The following PHKB variants were observed in gnomAD, a reference collection of about 807,000 sequenced individuals.
PHKB encodes the protein phosphorylase kinase regulatory subunit beta.
A neutral mutation model predicts 152.1 loss-of-function variants in PHKB; 122 were observed. That is an observed-to-expected ratio of 0.80 (90% confidence interval 0.69 to 0.93). The LOEUF is 0.93. PHKB is among the 40% of genes least tolerant of loss of function. PHKB has a pLI of 0.00. For synonymous variants in PHKB, 436 were observed against 464.9 expected (o/e 0.94, Z 0.80); for missense variants, 1,304 against 1,328.4 (o/e 0.98, Z 0.29).
Position 47,698,601 on chromosome 16 carries a change from CTTTTTT to C in PHKB, c.3144+29_3144+34del, listed in dbSNP as rs5816579. On this transcript the variant is annotated intron_variant, in intron 30 of 30. Transcript: ENST00000323584. ...AATTGAAAAACAAGTAAGTACACAG[CTTTTTT>C]TTTTTTTTTTTTTTTGAGAATTTTT... The C allele has an allele frequency of 8.2e-6, 6 of 731,166 alleles. No homozygotes were observed. The highest frequency in any genetic ancestry group is 5.2e-4 in the Middle Eastern group (1 of 1,908). The allele number at this position is 731,166 out of a possible 1,614,324, so 45.3% of individuals were successfully genotyped here.
intron 1 of PHKB, among the ~76,000 whole-genome samples, chr16:47,495,518 TC>T (rs986622891): frequency 1.3e-5 from 2 of 152,202 alleles, no homozygotes; most frequent in Non-Finnish European, 2.9e-5. Context: ...CCGCAATTCT[TC>T]CACCTCAGCA....
intron 20 of PHKB, among the ~76,000 whole-genome samples, chr16:47,659,685 T>G (rs1973403245): frequency 2.0e-5 from 3 of 152,150 alleles, no homozygotes; most frequent in Non-Finnish European, 4.4e-5. Flanking sequence ...CAGAGAAGCA[T>G]TAGCCTGGAT....
At chr16:47,625,167 T>TAATCTCC (rs1972687102) in intron 14 of PHKB, among the ~76,000 whole-genome samples, 1 of 152,212 alleles carries the variant, frequency 6.6e-6, no homozygotes, top group Non-Finnish European at 1.5e-5. Flanking sequence ...AGGCTCCAAC[T>TAATCTCC]AATCTCCATA....
chr16:47,486,751 C>T (rs112700097), intron 1 of PHKB, among the ~76,000 whole-genome samples: 19 of 152,128 alleles, frequency 1.2e-4, no homozygotes, highest in Admixed American at 1.2e-3. Context: ...TCGGATTATG[C>T]TTACTTCTTG....
At chr16:47,594,243 C>T (rs1193822559) in intron 12 of PHKB, 29 bp downstream of exon 12, 1 of 1,099,916 alleles carries the variant, frequency 9.1e-7, no homozygotes, top group East Asian at 2.4e-5. Flanking sequence ...GAAATTCTTC[C>T]TACCAACATT....
At chr16:47,525,103 A>T (rs774862678) in intron 6 of PHKB, among the ~76,000 whole-genome samples, 6 of 152,198 alleles carry the variant, frequency 3.9e-5, no homozygotes, top group Non-Finnish European at 7.4e-5. Context: ...TACATAAATT[A>T]TCCATTTTTT....
intron 26 of PHKB, among the ~76,000 whole-genome samples, chr16:47,682,082 G>A (rs1286373715): frequency 6.6e-6 from 1 of 152,182 alleles, no homozygotes; most frequent in East Asian, 1.9e-4. Flanking sequence ...TAAGAATGTT[G>A]AATATTGGCC....
chr16:47,602,042 A>C (rs971581952), intron 13 of PHKB, among the ~76,000 whole-genome samples: 1 of 152,130 alleles, frequency 6.6e-6, no homozygotes, highest in Non-Finnish European at 1.5e-5. Context: ...GTTAATGAAA[A>C]TTTGCTTGAA....
chr16:47,670,370 T>C (rs540722854), intron 26 of PHKB, among the ~76,000 whole-genome samples: 10 of 152,342 alleles, frequency 6.6e-5, no homozygotes, highest in African/African-American at 2.4e-4. Flanking sequence ...AAAACTGGAA[T>C]TTTAACATCT....
In PHKB at chr16:47,693,356, A is replaced by C. The variant is rs773670552; in HGVS notation, c.2766-22A>C. The C allele has an allele frequency of 5.6e-6, 9 of 1,613,454 alleles. No individual in the cohort carries two copies. The South Asian group carries it at 9.9e-5, about 18-fold the overall frequency. ...AGAACAAGCTTGTTCTTCAACTCTG[A>C]GACATTTGCCTTTTGTTACAGATGT... On this transcript the variant is annotated intron_variant, in intron 27 of 30. Coordinates refer to ENST00000323584, the MANE Select transcript of PHKB (RefSeq NM_000293.3).
chr16:47,546,086 A>C (rs566735671), intron 6 of PHKB, among the ~76,000 whole-genome samples: 5 of 152,178 alleles, frequency 3.3e-5, no homozygotes, highest in Admixed American at 6.5e-5. Context: ...TCTGAAGCCT[A>C]CTTCTTTGAA....
chr16:47,650,505 A>T, intron 18 of PHKB, 39 bp from the exon 19 acceptor site: 1 of 1,146,014 alleles, frequency 8.7e-7, no homozygotes, highest in Non-Finnish European at 1.3e-6. Context: ...TTCATCTTAG[A>T]TACTGTGCCA....
intron 13 of PHKB, chr16:47,599,053 A>G (rs937366517): frequency 9.5e-6 from 6 of 628,596 alleles, no homozygotes; most frequent in African/African-American, 9.2e-5. Context: ...CTTAGAATCA[A>G]CCCAAGTTGG....
chr16:47,590,309 C>A (rs1182042236), intron 10 of PHKB: 2 of 146,058 alleles, frequency 1.4e-5, no homozygotes, highest in Admixed American at 6.9e-5. Flanking sequence ...TAATAGAGAC[C>A]AGATCTCCCT....
rs117710146 is a variant in PHKB, at chr16:47,555,121, T to G, written c.710+7573T>G. 5.5e-3 allele frequency among the ~76,000 whole-genome samples: 842 copies of G among 152,346 alleles called. 6 individuals are homozygous for G. Among genetic ancestry groups the G allele is most frequent in the Middle Eastern group, 0.01 (3 of 294 alleles). On this transcript the variant is annotated intron_variant, in intron 7 of 30. Transcript: ENST00000323584. ...AAGAGGCTTTCAGTGACCCTTTTAT[T>G]CCATATGGTGCTTATTACTTAAGGT... is the stretch of plus-strand genomic sequence containing the variant.
At chr16:47,592,754 AG>A (rs1972049808) in intron 10 of PHKB, among the ~76,000 whole-genome samples, 1 of 152,172 alleles carries the variant, frequency 6.6e-6, no homozygotes, top group Admixed American at 6.5e-5. Flanking sequence ...AGTTGGTTCC[AG>A]GCATTAGTAA....
chr16:47,689,133 A>G lies in PHKB; in HGVS notation c.2723A>G (p.Lys908Arg), dbSNP rs1974016574. The G allele has an allele frequency of 6.2e-7, 1 of 1,613,964 alleles. No individual in the cohort carries two copies. The highest frequency in any genetic ancestry group is 1.3e-5 in the African/African-American group (1 of 74,910). ...DLYQLSPSEV[K>R]QLLLDILQPQ... is the part of the protein sequence containing the mutation. ...TATCAGCTGTCACCTAGTGAAGTTA[A>G]ACAGCTTCTGCTGGATATTCTGCAG... is the stretch of plus-strand genomic sequence containing the variant. The change falls in exon 27 of 31, where the codon AAA becomes AGA. Residue 908 changes from lysine (K) to arginine (R), a missense_variant. Transcript: ENST00000323584.
intron 7 of PHKB, among the ~76,000 whole-genome samples, chr16:47,575,872 T>C (rs948797774): frequency 1.4e-4 from 21 of 151,476 alleles, no homozygotes; most frequent in Non-Finnish European, 2.2e-4. Flanking sequence ...AGGTTGGGAG[T>C]TCAAGACCAG....
intron 6 of PHKB, among the ~76,000 whole-genome samples, chr16:47,535,623 G>A (rs950240406): frequency 1.3e-5 from 2 of 152,098 alleles, no homozygotes; most frequent in African/African-American, 4.8e-5. Flanking sequence ...TACAATATAA[G>A]TCCCGCTCTA....
Sources: gnomAD v4.1 joint callset for allele counts (sites outside exome capture counted in the v4.1 genomes callset) on GRCh38, gnomAD v4.1.1 for gene constraint, MANE v1.5 for transcripts, NCBI Gene and HGNC (gene_info 2026-07-23, HGNC 2026-07-21) for gene names.